The following C3orf33 variants were observed in gnomAD, a reference collection of about 807,000 sequenced individuals.
C3orf33 encodes the protein mitochondrial inner membrane subdomain organizer 1, also known as AP-1 activity suppressor.
C3orf33 carries 23 observed loss-of-function variants against 28.7 expected under a neutral mutation model. That is an observed-to-expected ratio of 0.80 (90% CI 0.58 to 1.13). The LOEUF (loss-of-function observed/expected upper bound fraction) is 1.13. Among genes scored for constraint, C3orf33 ranks in the 50% most tolerant of loss-of-function variants. The pLI is 0.00. For missense variants in C3orf33, 327 were observed against 353.4 expected, an observed-to-expected ratio of 0.93 and a Z score of 0.60; for synonymous variants, 119 against 120.5, an observed-to-expected ratio of 0.99 and a Z score of 0.08.
chr3:155,795,030 T>C (rs1314716630), intron 2 of C3orf33, among the ~76,000 whole-genome samples: 1 of 152,214 alleles, frequency 6.6e-6, no homozygotes, highest in Non-Finnish European at 1.5e-5. Context: ...AAACTTAATC[T>C]GCACGATAGA....
At chr3:155,775,192 T>C (rs1390841952) in intron 3 of C3orf33, among the ~76,000 whole-genome samples, 2 of 152,152 alleles carry the variant, frequency 1.3e-5, no homozygotes, top group Non-Finnish European at 2.9e-5. Context: ...TAGTTCAATT[T>C]AAAAAGCAGT....
chr3:155,775,571 A>T (rs932790127), intron 3 of C3orf33, 130 bp downstream of exon 3: 1 of 549,074 alleles, frequency 1.8e-6, no homozygotes, highest in Admixed American at 4.2e-5. Flanking sequence ...TAAAGCCAAG[A>T]ATTGAGACTT....
In C3orf33 at chr3:155,804,085, A is replaced by G. The variant is rs1434333134; in HGVS notation, c.115-1494T>C. 4 of 334,516 alleles carry G rather than the reference A, an allele frequency of 1.2e-5. 1 individual carries two copies. The highest frequency in any genetic ancestry group is 4.3e-5 in the Admixed American group (1 of 23,120). 20.7% of individuals were successfully genotyped at this position (334,516 alleles called of 1,614,324 possible). ...CAGCTACTCAGGAGGGTGAGGCAGG[A>G]CAATCACTTGAACCTGGGAGGCAGA... On this transcript the variant is annotated intron_variant, in intron 1 of 4. Transcript: ENST00000340171.
At chr3:155,778,788 G>A (rs930867361) in intron 2 of C3orf33, among the ~76,000 whole-genome samples, 4 of 152,136 alleles carry the variant, frequency 2.6e-5, no homozygotes, top group Non-Finnish European at 4.4e-5. Context: ...GAATACCAAT[G>A]AATTAATCAA....
chr3:155,777,942 T>C (rs557206526), intron 2 of C3orf33, among the ~76,000 whole-genome samples: 85 of 152,120 alleles, frequency 5.6e-4, no homozygotes, highest in African/African-American at 2.0e-3. Flanking sequence ...ATGAGGTCAA[T>C]AGATGGAGAC....
At chr3:155,805,640 T>G (rs1560003515) in intron 1 of C3orf33, 1 of 454,462 alleles carries the variant, frequency 2.2e-6, no homozygotes, top group East Asian at 7.0e-5. Flanking sequence ...GAGGATCTTT[T>G]CGGCCGAAGT....
intron 2 of C3orf33, among the ~76,000 whole-genome samples, chr3:155,793,653 T>C (rs1751381603): frequency 6.6e-6 from 1 of 151,024 alleles, no homozygotes; most frequent in Admixed American, 6.6e-5. Flanking sequence ...CTACTAAAAA[T>C]ACAAAAATTA....
intron 1 of C3orf33, chr3:155,804,031 C>T: frequency 4.3e-6 from 1 of 233,340 alleles, no homozygotes; most frequent in Non-Finnish European, 8.7e-6. Flanking sequence ...CAAAAATTAG[C>T]CAGGCTTGGT....
intron 2 of C3orf33, among the ~76,000 whole-genome samples, chr3:155,777,529 C>T (rs1055000847): frequency 6.6e-6 from 1 of 151,956 alleles, no homozygotes; most frequent in Non-Finnish European, 1.5e-5. Flanking sequence ...TAGCCTCGAC[C>T]TCCTGGGCTC....
chr3:155,772,313 A>G (rs563468559), intron 3 of C3orf33, among the ~76,000 whole-genome samples: 1 of 152,338 alleles, frequency 6.6e-6, no homozygotes, highest in Non-Finnish European at 1.5e-5. Flanking sequence ...ATGATTATCT[A>G]GAAAACCTAC....
chr3:155,768,674 T>C (rs566883525), intron 3 of C3orf33, among the ~76,000 whole-genome samples: 33 of 152,336 alleles, frequency 2.2e-4, no homozygotes, highest in Non-Finnish European at 3.4e-4. Context: ...AATATAAAGT[T>C]ACATCCATCT....
At chr3:155,781,228 G>C (rs1453495281) in intron 2 of C3orf33, among the ~76,000 whole-genome samples, 1 of 149,682 alleles carries the variant, frequency 6.7e-6, no homozygotes, top group African/African-American at 2.5e-5. Context: ...GGATGGTCTC[G>C]ATCTCCTGAC....
chr3:155,781,603 A>G (rs1750924418), intron 2 of C3orf33, among the ~76,000 whole-genome samples: 1 of 151,224 alleles, frequency 6.6e-6, no homozygotes, highest in Non-Finnish European at 1.5e-5. Flanking sequence ...CCCCATCTCT[A>G]CTAAAAATAC....
chr3:155,767,605 T>C lies in C3orf33; in HGVS notation c.387A>G (p.Ala129=), dbSNP rs553502383. ...AAGGTTTTAGCTCTTTTTGTAACCA[T>C]GCCTTCCCAGTTTCAGCGAGTTCTA... is the stretch of plus-strand genomic sequence containing the variant. ...AGVELAETGK[A]WLQKELKPSQ... Residue 129 remains alanine (A), a synonymous_variant, in exon 4 of 5, where the codon GCA becomes GCG. Transcript: ENST00000340171. The C allele has an allele frequency of 1.9e-6, 3 of 1,593,472 alleles. No homozygotes were observed. Among genetic ancestry groups the C allele is most frequent in the Non-Finnish European group, 2.6e-6 (3 of 1,167,372 alleles).
At position 155,795,177 on chromosome 3, in the gene C3orf33, C is replaced by T. The variant is rs914080208; in HGVS notation, c.174+7355G>A. 9.2e-5 allele frequency among the ~76,000 whole-genome samples: 14 copies of T among 152,318 alleles called. No individual in the cohort carries two copies. In the South Asian group the frequency reaches 1.5e-3, roughly 16 times the overall value. ...AAACAAGTCTTAAAAAATTTCAAGCCGTGTGCGGTGGCTCACACCTGTAAT... is the reference window on the plus strand; with the variant it reads ...AAACAAGTCTTAAAAAATTTCAAGCTGTGTGCGGTGGCTCACACCTGTAAT... On this transcript the variant is annotated intron_variant, in intron 2 of 4. Coordinates refer to ENST00000340171, the MANE Select transcript of C3orf33 (RefSeq NM_001308229.2).
intron 3 of C3orf33, among the ~76,000 whole-genome samples, chr3:155,773,410 A>T (rs1490543890): frequency 6.6e-6 from 1 of 152,240 alleles, no homozygotes; most frequent in Non-Finnish European, 1.5e-5. Flanking sequence ...TAACTTCTAC[A>T]TGTCTATAGA....
intron 3 of C3orf33, among the ~76,000 whole-genome samples, chr3:155,769,312 CAA>C (rs747506548): frequency 2.6e-5 from 2 of 75,796 alleles, no homozygotes; most frequent in Non-Finnish European, 6.1e-5. Flanking sequence ...AACTCCCTCT[CAA>C]AAAAAAAAAA....
chr3:155,764,230 T>A (rs961302679), intron 4 of C3orf33, among the ~76,000 whole-genome samples: 3 of 152,184 alleles, frequency 2.0e-5, no homozygotes, highest in Non-Finnish European at 4.4e-5. Context: ...TTGGTGGTTC[T>A]GTGGAGGGGA....
intron 2 of C3orf33, among the ~76,000 whole-genome samples, chr3:155,800,610 CAAAAAAAAA>C (rs58092818): frequency 0.014 from 223 of 15,612 alleles, 2 homozygotes; most frequent in Middle Eastern, 0.5. Context: ...ACCTTATCTC[CAAAAAAAAA>C]AAAAAAAAAA....
Sources: allele counts gnomAD v4.1 joint callset (sites outside exome capture counted in the v4.1 genomes callset), GRCh38; gene constraint gnomAD v4.1.1; transcripts MANE v1.5; gene names NCBI Gene and HGNC (gene_info 2026-07-23, HGNC 2026-07-21).